GALNT17: variants seen among roughly 807,000 people sequenced by gnomAD.
GALNT17 encodes UDP-GalNAc:polypeptide N-acetylgalactosaminyltransferase-like 3.
In GALNT17, 29 loss-of-function variants were observed where a neutral mutation model predicts 63.7. That is an observed-to-expected ratio of 0.46 (90% CI 0.34 to 0.62). The LOEUF is 0.62. Ranked by LOEUF, GALNT17 falls within the 20% of genes least tolerant of loss-of-function variation. GALNT17 has a pLI of 0.01. For missense variants in GALNT17, 603 were observed against 799.6 expected (o/e 0.75, Z 2.97); for synonymous variants, 305 against 318.3 (o/e 0.96, Z 0.45).
chr7:71,350,563 A>T (rs760196036), intron 2 of GALNT17, among the ~76,000 whole-genome samples: 150 of 152,216 alleles, frequency 9.9e-4, no homozygotes, highest in Non-Finnish European at 3.2e-4. Context: ...AAAACACTAC[A>T]GTATAATGAC....
At chr7:71,287,230 C>T (rs536421666) in intron 1 of GALNT17, among the ~76,000 whole-genome samples, 1 of 152,198 alleles carries the variant, frequency 6.6e-6, no homozygotes, top group East Asian at 1.9e-4. Flanking sequence ...GCTGAGACTA[C>T]AGGCATTGTG....
At position 71,567,589 on chromosome 7, in the gene GALNT17, T is replaced by G. The variant is rs534217587; in HGVS notation, c.963-3696T>G. 8.7e-4 allele frequency among the ~76,000 whole-genome samples: 132 copies of G among 152,340 alleles called. 1 individual carries two copies. Among genetic ancestry groups the G allele is most frequent in the Non-Finnish European group, 1.7e-3 (114 of 68,024 alleles). On this transcript the variant is annotated intron_variant, in intron 5 of 10. Transcript: ENST00000333538. Reference sequence around the variant, plus strand: ...AAGCGATTCTCCTGCCTTAGCCTCCTCAATAGCTGGGGTTACAGGTGCACA... The same window carrying G: ...AAGCGATTCTCCTGCCTTAGCCTCCGCAATAGCTGGGGTTACAGGTGCACA...
chr7:71,671,177 C>T (rs368198099), intron 8 of GALNT17, among the ~76,000 whole-genome samples: 38 of 152,212 alleles, frequency 2.5e-4, no homozygotes, highest in African/African-American at 8.9e-4. Context: ...AGAACATCTT[C>T]ATATAGAAAC....
At chr7:71,600,388 G>T (rs1414613301) in intron 6 of GALNT17, among the ~76,000 whole-genome samples, 1 of 104,850 alleles carries the variant, frequency 9.5e-6, no homozygotes, top group Non-Finnish European at 1.9e-5. Flanking sequence ...TGGGGAACCA[G>T]AGGGTACATT....
At chr7:71,642,834 C>CAA (rs111778238) in intron 6 of GALNT17, among the ~76,000 whole-genome samples, 10 of 147,328 alleles carry the variant, frequency 6.8e-5, no homozygotes, top group South Asian at 2.2e-4. Flanking sequence ...GACTCTGTCT[C>CAA]AAAAAAAAAA....
intron 5 of GALNT17, among the ~76,000 whole-genome samples, chr7:71,538,967 C>T (rs1168387200): frequency 6.6e-6 from 1 of 152,068 alleles, no homozygotes; most frequent in Non-Finnish European, 1.5e-5. Flanking sequence ...TGAGGAGTCT[C>T]ACTCTGTCGC....
chr7:71,441,063 G>T (rs901870461), intron 5 of GALNT17, among the ~76,000 whole-genome samples: 1 of 149,250 alleles, frequency 6.7e-6, no homozygotes, highest in Non-Finnish European at 1.5e-5. Flanking sequence ...TTGCTCTTCC[G>T]CCAGGCTGCA....
At chr7:71,557,404 T>C (rs1358754380) in intron 5 of GALNT17, among the ~76,000 whole-genome samples, 1 of 152,192 alleles carries the variant, frequency 6.6e-6, no homozygotes, top group Non-Finnish European at 1.5e-5. Context: ...CCCTGGAAGT[T>C]GAAGAGGGAT....
At chr7:71,387,742 G>A (rs865850860) in intron 2 of GALNT17, among the ~76,000 whole-genome samples, 5 of 152,118 alleles carry the variant, frequency 3.3e-5, no homozygotes, top group Admixed American at 6.5e-5. Context: ...GGTGTGCCCT[G>A]AAGCTCAGGG....
intron 1 of GALNT17, among the ~76,000 whole-genome samples, chr7:71,137,743 C>T (rs933244196): frequency 3.3e-5 from 5 of 152,148 alleles, no homozygotes; most frequent in African/African-American, 1.2e-4. Context: ...CTTCGAGGCC[C>T]TCGGAAGTGA....
chr7:71,376,740 C>G (rs555812272), intron 2 of GALNT17, among the ~76,000 whole-genome samples: 1 of 151,624 alleles, frequency 6.6e-6, no homozygotes, highest in African/African-American at 2.4e-5. Flanking sequence ...TTGATTGAGA[C>G]TAGGAGTTCA....
intron 6 of GALNT17, among the ~76,000 whole-genome samples, chr7:71,615,707 G>A (rs2116960802): frequency 6.6e-6 from 1 of 151,950 alleles, no homozygotes; most frequent in South Asian, 2.1e-4. Flanking sequence ...CCAACTCCTG[G>A]CCTCAAATAA....
At chr7:71,138,731 T>G (rs1787832714) in intron 1 of GALNT17, among the ~76,000 whole-genome samples, 1 of 152,110 alleles carries the variant, frequency 6.6e-6, no homozygotes, top group Non-Finnish European at 1.5e-5. Context: ...CCCAGCATTT[T>G]GGGAGGCCGA....
chr7:71,475,020 A>C (rs151224440), intron 5 of GALNT17, among the ~76,000 whole-genome samples: 13 of 152,172 alleles, frequency 8.5e-5, no homozygotes, highest in African/African-American at 3.1e-4. Context: ...GGAAGAGGCA[A>C]TGAATGGCCT....
intron 1 of GALNT17, among the ~76,000 whole-genome samples, chr7:71,165,971 C>G (rs1309267438): frequency 6.6e-6 from 1 of 151,524 alleles, no homozygotes; most frequent in Non-Finnish European, 1.5e-5. Context: ...CCTCCTTAAA[C>G]TCTCTTCACC....
At chr7:71,486,141 C>T (rs1365215220) in intron 5 of GALNT17, among the ~76,000 whole-genome samples, 1 of 151,826 alleles carries the variant, frequency 6.6e-6, no homozygotes, top group Non-Finnish European at 1.5e-5. Flanking sequence ...CCAACCTGGG[C>T]AACATGGCAA....
intron 5 of GALNT17, among the ~76,000 whole-genome samples, chr7:71,499,670 G>A (rs748992640): frequency 6.6e-5 from 10 of 152,172 alleles, no homozygotes; most frequent in Non-Finnish European, 1.3e-4. Context: ...TGCCTGAAAT[G>A]CACTCCCGAT....
Position 71,143,108 on chromosome 7 carries a change from G to A in GALNT17, c.238+10068G>A, listed in dbSNP as rs75038623. Among the ~76,000 whole-genome samples the A allele has an allele frequency of 5.8e-3, 887 of 152,062 alleles. 7 individuals carry two copies. Among genetic ancestry groups the A allele is most frequent in the African/African-American group, 0.02 (837 of 41,476 alleles). Reference sequence around the variant, plus strand: ...GTAGTGAGATCACCTTGTGGAAGGTGTGAAAGCAAGTCAGAAGAAATGGAT... The same window carrying A: ...GTAGTGAGATCACCTTGTGGAAGGTATGAAAGCAAGTCAGAAGAAATGGAT... On this transcript the variant is annotated intron_variant, in intron 1 of 10. Coordinates refer to ENST00000333538, the MANE Select transcript of GALNT17 (RefSeq NM_022479.3).
At chr7:71,607,182 AG>A (rs1195163252) in intron 6 of GALNT17, among the ~76,000 whole-genome samples, 1 of 152,170 alleles carries the variant, frequency 6.6e-6, no homozygotes, top group African/African-American at 2.4e-5. Context: ...AGAGAAAAAA[AG>A]GAAAATACAA....
Sources: gnomAD v4.1 joint callset for allele counts (sites outside exome capture counted in the v4.1 genomes callset) on GRCh38, gnomAD v4.1.1 for gene constraint, MANE v1.5 for transcripts, NCBI Gene and HGNC (gene_info 2026-07-23, HGNC 2026-07-21) for gene names.